The following MGAT5 variants were observed in gnomAD, a reference collection of about 807,000 sequenced individuals.
The protein encoded by MGAT5 is alpha-1,6-mannosylglycoprotein 6-beta-N-acetylglucosaminyltransferase A.
Under a neutral mutation model 94.3 loss-of-function variants are expected in MGAT5, and 30 were observed. The ratio of observed to expected loss-of-function variants is 0.32; its 90% CI spans 0.24 to 0.43. The LOEUF (loss-of-function observed/expected upper bound fraction) is 0.43, where lower values mean the gene tolerates loss of function less well. MGAT5 is among the 20% of genes least tolerant of loss of function. The probability of loss-of-function intolerance (pLI) is 1.00; values close to 1 mark genes in which losing one functional copy is unlikely to be tolerated. For missense variants in MGAT5, 691 were observed against 905.5 expected (o/e 0.76, Z 3.04); for synonymous variants, 310 against 322.9 (o/e 0.96, Z 0.43).
At chr2:134,372,923 T>G (rs1418894903) in intron 10 of MGAT5, among the ~76,000 whole-genome samples, 1 of 152,234 alleles carries the variant, frequency 6.6e-6, no homozygotes, top group African/African-American at 2.4e-5. Flanking sequence ...CTTGGGAAGC[T>G]GGAGGCTCAG....
chr2:134,412,732 G>C (rs1683742386), intron 11 of MGAT5, 137 bp from the exon 12 acceptor site: 2 of 1,078,074 alleles, frequency 1.9e-6, no homozygotes, highest in South Asian at 3.1e-5. Context: ...CCACCCCCCA[G>C]GGCCTGGGAG....
At chr2:134,305,667 G>A (rs2105844408) in intron 2 of MGAT5, among the ~76,000 whole-genome samples, 1 of 152,208 alleles carries the variant, frequency 6.6e-6, no homozygotes, top group Middle Eastern at 3.4e-3. Flanking sequence ...CCCTGTTTTA[G>A]AAGAAAAATC....
chr2:134,326,209 C>T (rs1018871998), intron 4 of MGAT5, among the ~76,000 whole-genome samples: 2 of 151,898 alleles, frequency 1.3e-5, no homozygotes, highest in Non-Finnish European at 2.9e-5. Context: ...ATAGAAGAAA[C>T]CATTTATTTC....
intron 1 of MGAT5, among the ~76,000 whole-genome samples, chr2:134,160,316 G>T (rs1687672425): frequency 6.6e-6 from 1 of 152,220 alleles, no homozygotes; most frequent in Non-Finnish European, 1.5e-5. Flanking sequence ...CGGGACTACA[G>T]GCGCCTGCCA....
chr2:134,448,497 A>G (rs144098232), intron 15 of MGAT5, 152 bp from the exon 16 acceptor site: 85 of 746,546 alleles, frequency 1.1e-4, no homozygotes, highest in Non-Finnish European at 1.9e-4. Context: ...GGAGGATTGC[A>G]GACGAAGAGG....
chr2:134,384,312 G>T (rs1158774517), intron 10 of MGAT5, among the ~76,000 whole-genome samples: 2 of 150,754 alleles, frequency 1.3e-5, no homozygotes, highest in Non-Finnish European at 2.9e-5. Flanking sequence ...CAATGCTCTT[G>T]CCCCTACAAG....
At chr2:134,418,757 C>T (rs1387957854) in intron 12 of MGAT5, among the ~76,000 whole-genome samples, 1 of 152,178 alleles carries the variant, frequency 6.6e-6, no homozygotes. Flanking sequence ...GAGCGGGTCT[C>T]AAGCCTGAGA....
intron 1 of MGAT5, among the ~76,000 whole-genome samples, chr2:134,142,971 C>T (rs1317129827): frequency 6.6e-6 from 1 of 151,264 alleles, no homozygotes; most frequent in East Asian, 1.9e-4. Context: ...TTTAGAGAGC[C>T]TGTTCCGAGA....
chr2:134,191,834 T>TTCGCGCCCTCCTCCTCCTGC (rs1186875288), intron 1 of MGAT5, among the ~76,000 whole-genome samples: 1 of 148,662 alleles, frequency 6.7e-6, no homozygotes, highest in Admixed American at 6.7e-5. Context: ...GGTGGGTGGA[T>TTCGCGCCCTCCTCCTCCTGC]TCGCGCCCTC....
intron 1 of MGAT5, among the ~76,000 whole-genome samples, chr2:134,213,757 A>G (rs578120036): frequency 8.5e-5 from 13 of 152,352 alleles, no homozygotes; most frequent in African/African-American, 2.6e-4. Context: ...CAGGTGAAGA[A>G]GTACATTTGA....
intron 2 of MGAT5, among the ~76,000 whole-genome samples, chr2:134,272,824 T>C (rs1186907104): frequency 6.6e-6 from 1 of 152,188 alleles, no homozygotes; most frequent in Non-Finnish European, 1.5e-5. Context: ...TAACTCCATC[T>C]CTCCTTCCAT....
chr2:134,288,996 A>G (rs1048432944), intron 2 of MGAT5, among the ~76,000 whole-genome samples: 3 of 152,232 alleles, frequency 2.0e-5, no homozygotes, highest in African/African-American at 7.2e-5. Flanking sequence ...TAGAAGGTGA[A>G]AGACTTGGCG....
intron 1 of MGAT5, among the ~76,000 whole-genome samples, chr2:134,125,540 A>T (rs1006515211): frequency 1.3e-5 from 2 of 152,188 alleles, no homozygotes; most frequent in African/African-American, 4.8e-5. Flanking sequence ...ACTTTCTCAA[A>T]GTCTCACCAG....
chr2:134,447,019 C>T (rs1053334868), intron 15 of MGAT5, among the ~76,000 whole-genome samples: 1 of 152,224 alleles, frequency 6.6e-6, no homozygotes, highest in African/African-American at 2.4e-5. Context: ...TAGAGAAAGA[C>T]AGGGCAGGAG....
intron 1 of MGAT5, among the ~76,000 whole-genome samples, chr2:134,226,781 C>T (rs78537245): frequency 1.3e-5 from 2 of 152,130 alleles, no homozygotes; most frequent in Non-Finnish European, 2.9e-5. Context: ...AACGGACATG[C>T]CCTGCTCTTA....
At chr2:134,230,825 A>AACAC (rs58303257) in intron 1 of MGAT5, among the ~76,000 whole-genome samples, 9,568 of 150,854 alleles carry the variant, frequency 0.063, 307 homozygotes, top group East Asian at 0.083. Context: ...GGGGAATGAA[A>AACAC]ACACACACAC....
At chr2:134,186,753 C>T (rs979295004) in intron 1 of MGAT5, among the ~76,000 whole-genome samples, 2 of 152,160 alleles carry the variant, frequency 1.3e-5, no homozygotes, top group Non-Finnish European at 2.9e-5. Context: ...TCATCAAAGT[C>T]ATTCATTCCT....
At chr2:134,125,053 G>A (rs1685777944) in intron 1 of MGAT5, among the ~76,000 whole-genome samples, 1 of 151,976 alleles carries the variant, frequency 6.6e-6, no homozygotes, top group African/African-American at 2.4e-5. Context: ...CCTCATGGGA[G>A]TGTGTTATGT....
intron 1 of MGAT5, among the ~76,000 whole-genome samples, chr2:134,128,716 G>A (rs375124724): frequency 1.1e-4 from 17 of 152,062 alleles, no homozygotes; most frequent in African/African-American, 3.1e-4. Context: ...GTGTCACCAC[G>A]CCTGGCTAAA....
Sources: allele counts gnomAD v4.1 joint callset (sites outside exome capture counted in the v4.1 genomes callset), GRCh38; gene constraint gnomAD v4.1.1; transcripts MANE v1.5; gene names NCBI Gene and HGNC (gene_info 2026-07-23, HGNC 2026-07-21).